Variants in ADAMTS6 observed in about 807,000 individuals in gnomAD.
The protein encoded by ADAMTS6 is A disintegrin and metalloproteinase with thrombospondin motifs 6.
Under a neutral mutation model 144.3 loss-of-function variants are expected in ADAMTS6, and 23 were observed. The ratio of observed to expected loss-of-function variants is 0.16; its 90% CI spans 0.11 to 0.23. ADAMTS6 has a LOEUF of 0.23. Among genes scored for constraint, ADAMTS6 ranks in the 10% least tolerant of loss-of-function variants. ADAMTS6 has a pLI of 1.00. For synonymous variants in ADAMTS6, 444 were observed against 457.5 expected (o/e 0.97, Z 0.38); for missense variants, 999 against 1,379.6 (o/e 0.72, Z 4.37).
intron 7 of ADAMTS6, among the ~76,000 whole-genome samples, chr5:65,367,128 T>C (rs1034148723): frequency 2.0e-5 from 3 of 152,290 alleles, no homozygotes; most frequent in East Asian, 3.9e-4. Flanking sequence ...CATGATCAAA[T>C]TGAATTAAAA....
intron 9 of ADAMTS6, among the ~76,000 whole-genome samples, chr5:65,301,254 A>G (rs150458272): frequency 0.014 from 2,086 of 152,338 alleles, 19 homozygotes; most frequent in Non-Finnish European, 0.02. Context: ...GATTACATAT[A>G]CATTTTAACG....
intron 8 of ADAMTS6, among the ~76,000 whole-genome samples, chr5:65,330,470 A>G (rs1392463853): frequency 2.0e-5 from 3 of 152,156 alleles, no homozygotes; most frequent in Admixed American, 6.6e-5. Context: ...GTCTACTATC[A>G]TCACCCAAAC....
At chr5:65,185,836 C>G (rs1754646782) in intron 22 of ADAMTS6, among the ~76,000 whole-genome samples, 1 of 152,148 alleles carries the variant, frequency 6.6e-6, no homozygotes, top group Admixed American at 6.6e-5. Context: ...CACAAGCTAT[C>G]TCTCAAGGTG....
At chr5:65,242,353 C>A in intron 14 of ADAMTS6, 147 bp from the exon 15 acceptor site, 1 of 510,416 alleles carries the variant, frequency 2.0e-6, no homozygotes, top group Non-Finnish European at 3.4e-6. Context: ...TTTTACAATC[C>A]GTATTCAGAT....
chr5:65,198,453 A>G (rs1026210641), intron 20 of ADAMTS6: 2 of 167,090 alleles, frequency 1.2e-5, no homozygotes, highest in Middle Eastern at 3.4e-3. Flanking sequence ...TACACACCAA[A>G]TGCTTCCCCC....
chr5:65,467,851 A>G (rs1478614031), intron 3 of ADAMTS6, among the ~76,000 whole-genome samples: 4 of 152,228 alleles, frequency 2.6e-5, no homozygotes, highest in African/African-American at 9.6e-5. Flanking sequence ...AAGAAGTCCC[A>G]AAATGAGAGA....
chr5:65,378,633 C>A (rs1040694734), intron 7 of ADAMTS6, among the ~76,000 whole-genome samples: 1 of 152,164 alleles, frequency 6.6e-6, no homozygotes, highest in African/African-American at 2.4e-5. Context: ...AAAGAAGCAA[C>A]ATCCAAAGCT....
chr5:65,345,451 A>C (rs1466821843), intron 7 of ADAMTS6, among the ~76,000 whole-genome samples: 1 of 151,792 alleles, frequency 6.6e-6, no homozygotes, highest in African/African-American at 2.4e-5. Flanking sequence ...AATATGTTTG[A>C]TTCACATAAA....
chr5:65,364,930 G>A (rs561226589), intron 7 of ADAMTS6, among the ~76,000 whole-genome samples: 16 of 152,166 alleles, frequency 1.1e-4, no homozygotes, highest in East Asian at 1.9e-4. Context: ...ATCAACTTAC[G>A]AGGTTATAGA....
chr5:65,192,653 C>CTT (rs35427862), intron 21 of ADAMTS6, among the ~76,000 whole-genome samples: 10 of 146,298 alleles, frequency 6.8e-5, no homozygotes, highest in Admixed American at 1.4e-4. Flanking sequence ...AATTCCTTTC[C>CTT]TTTTTTTTTT....
chr5:65,430,900 T>C (rs1756953582), intron 7 of ADAMTS6, among the ~76,000 whole-genome samples: 1 of 152,222 alleles, frequency 6.6e-6, no homozygotes, highest in South Asian at 2.1e-4. Context: ...ATGTAGTTAC[T>C]GTTCCTCTCT....
intron 7 of ADAMTS6, among the ~76,000 whole-genome samples, chr5:65,349,200 C>A (rs927588651): frequency 6.6e-6 from 1 of 152,056 alleles, no homozygotes; most frequent in African/African-American, 2.4e-5. Context: ...TTAGTAGGGT[C>A]TTTTAAGTCT....
chr5:65,457,712 T>A (rs1172655129), intron 4 of ADAMTS6, among the ~76,000 whole-genome samples: 1 of 151,224 alleles, frequency 6.6e-6, no homozygotes, highest in Non-Finnish European at 1.5e-5. Flanking sequence ...AATAAACAAC[T>A]GAATATTTGA....
chr5:65,368,931 C>T (rs538136669), intron 7 of ADAMTS6, among the ~76,000 whole-genome samples: 37 of 152,212 alleles, frequency 2.4e-4, no homozygotes, highest in Non-Finnish European at 4.7e-4. Flanking sequence ...TAGCACACAC[C>T]TGTAGTCCCA....
chr5:65,209,176 T>A (rs1423448671), intron 20 of ADAMTS6, among the ~76,000 whole-genome samples: 6 of 152,144 alleles, frequency 3.9e-5, no homozygotes, highest in Non-Finnish European at 1.5e-5. Flanking sequence ...TTACCACTTT[T>A]AAAAATCTCC....
intron 7 of ADAMTS6, among the ~76,000 whole-genome samples, chr5:65,377,991 C>A (rs1372653498): frequency 6.6e-6 from 1 of 152,006 alleles, no homozygotes; most frequent in Non-Finnish European, 1.5e-5. Flanking sequence ...TGGCCATATT[C>A]TCCATGTTTG....
chr5:65,423,955 A>C (rs1756288406), intron 7 of ADAMTS6, among the ~76,000 whole-genome samples: 1 of 152,182 alleles, frequency 6.6e-6, no homozygotes. Flanking sequence ...TATTTATCTT[A>C]ATTTTTTTCT....
chr5:65,203,434 A>G (rs1241934216), intron 20 of ADAMTS6, among the ~76,000 whole-genome samples: 5 of 152,192 alleles, frequency 3.3e-5, no homozygotes, highest in Admixed American at 2.6e-4. Flanking sequence ...AGTCATCTCC[A>G]TGACCTTAAG....
rs554748260 is a variant in ADAMTS6, at chr5:65,207,042, T to A, written c.2575+7752A>T. ...ATGATTGATCAGAAACATTCCTGTA[T>A]AATCATTTAGTATATGTAAAATAAA... is the stretch of plus-strand genomic sequence containing the variant. On this transcript the variant is annotated intron_variant, in intron 20 of 24. Transcript: ENST00000381055. 1.1e-3 allele frequency among the ~76,000 whole-genome samples: 173 copies of A among 152,336 alleles called. 1 individual carries two copies. Among genetic ancestry groups the A allele is most frequent in the African/African-American group, 3.9e-3 (164 of 41,580 alleles).
Sources: gnomAD v4.1 joint callset for allele counts (sites outside exome capture counted in the v4.1 genomes callset) on GRCh38, gnomAD v4.1.1 for gene constraint, MANE v1.5 for transcripts, NCBI Gene and HGNC (gene_info 2026-07-23, HGNC 2026-07-21) for gene names.